Variants in CHD2 observed in about 807,000 individuals in gnomAD.
CHD2 encodes the protein ATP-dependent chromatin remodeler CHD2.
In CHD2, 28 loss-of-function variants were observed where a neutral mutation model predicts 243.9. The observed-to-expected ratio is 0.11, with a 90% CI of 0.09 to 0.16. CHD2 has a LOEUF of 0.16. CHD2 is among the 10% of genes least tolerant of loss of function. The pLI, the probability that CHD2 is intolerant of heterozygous loss-of-function variation, is 1.00. For missense variants in CHD2, 1,386 were observed against 2,209.8 expected (o/e 0.63, Z 7.47); for synonymous variants, 775 against 779.0 (o/e 0.99, Z 0.09).
intron 16 of CHD2, among the ~76,000 whole-genome samples, chr15:92,958,652 G>C (rs2053646195): frequency 6.6e-6 from 1 of 152,138 alleles, no homozygotes; most frequent in African/African-American, 2.4e-5. Flanking sequence ...TATCAGTACA[G>C]TCCCCAACTT....
intron 14 of CHD2, chr15:92,954,004 A>T (rs1467477529): frequency 1.9e-5 from 3 of 158,568 alleles, no homozygotes; most frequent in Non-Finnish European, 4.2e-5. Flanking sequence ...TAAAAAAGGA[A>T]TAAAAGTAAA....
In CHD2 at chr15:93,000,389, T is replaced by G. The variant is rs965625298; in HGVS notation, c.4009-123T>G. 4 of 1,042,964 alleles carry G rather than the reference T, an allele frequency of 3.8e-6. No individual in the cohort carries two copies. The East Asian group carries it at 7.9e-5, about 21-fold the overall frequency. The allele number at this position is 1,042,964 out of a possible 1,614,324, so 64.6% of individuals were successfully genotyped here. On this transcript the variant is annotated intron_variant, in intron 31 of 38. Coordinates refer to ENST00000394196, the MANE Select transcript of CHD2 (RefSeq NM_001271.4). ...TAAAATGAGTTGCACTCTTTTGATT[T>G]CTTTGGAATTTTCTTGTTTGAATTA...
intron 33 of CHD2, among the ~76,000 whole-genome samples, chr15:93,003,616 G>A (rs1259127347): frequency 6.7e-6 from 1 of 148,674 alleles, no homozygotes; most frequent in Non-Finnish European, 1.5e-5. Flanking sequence ...GGGGGGAGAC[G>A]CTGATATCTT....
intron 2 of CHD2, chr15:92,921,362 A>C (rs1173978027): frequency 9.2e-5 from 14 of 152,260 alleles, no homozygotes; most frequent in Admixed American, 9.2e-4. Context: ...TTTATAGGGC[A>C]TGCTGAAATT....
chr15:92,903,260 G>A (rs1224528791), intron 2 of CHD2, among the ~76,000 whole-genome samples: 1 of 152,190 alleles, frequency 6.6e-6, no homozygotes, highest in East Asian at 1.9e-4. Flanking sequence ...AACTGTCCCT[G>A]TAATTAGTAC....
At chr15:92,969,663 A>G (rs1021119429) in intron 17 of CHD2, among the ~76,000 whole-genome samples, 3 of 152,252 alleles carry the variant, frequency 2.0e-5, no homozygotes, top group African/African-American at 7.2e-5. Flanking sequence ...CATGATGAAC[A>G]GTACCACAGA....
At position 93,020,109 on chromosome 15, in the gene CHD2, C is replaced by T. The variant is rs770874614; in HGVS notation, c.5004C>T (p.His1668=). The part of the protein sequence containing the change: ...GSDRHHQYEQ[H]WYKDHHYGDR... The stretch of plus-strand genomic sequence containing the variant: ...ACAGGCACCATCAGTATGAGCAGCA[C>T]TGGTACAAGGACCACCATTATGGGG... The change falls in exon 38 of 39, where the codon CAC becomes CAT. Residue 1668 remains histidine, a synonymous_variant. Coordinates refer to ENST00000394196, the MANE Select transcript of CHD2 (RefSeq NM_001271.4). 4.3e-6 allele frequency: 7 copies of T among 1,614,178 alleles called. No individual in the cohort carries two copies. Among genetic ancestry groups the T allele is most frequent in the Non-Finnish European group, 5.9e-6 (7 of 1,180,024 alleles).
chr15:92,915,978 A>G (rs1018688291), intron 2 of CHD2, among the ~76,000 whole-genome samples: 1 of 151,596 alleles, frequency 6.6e-6, no homozygotes, highest in East Asian at 1.9e-4. Flanking sequence ...TTGTTTTGCT[A>G]AGCCAGACTG....
Position 93,027,900 on chromosome 15 carries a change from T to C in CHD2, c.*3195T>C, listed in dbSNP as rs1046829254. On this transcript the variant is annotated 3_prime_UTR_variant, in exon 39 of 39. Coordinates refer to ENST00000394196, the MANE Select transcript of CHD2 (RefSeq NM_001271.4). ...TCCTAGTGATTTCTGATGTAAATAA[T>C]GTTGTTTATATAGTATGTATTAAAT... 1.3e-5 allele frequency: 2 copies of C among 152,618 alleles called. No individual in the cohort carries two copies. The highest frequency in any genetic ancestry group is 4.8e-5 in the African/African-American group (2 of 41,460). The allele number at this position is 152,618 out of a possible 1,614,324, so 9.5% of individuals were successfully genotyped here.
At chr15:92,984,100 G>T (rs1309847798) in intron 24 of CHD2, among the ~76,000 whole-genome samples, 1 of 152,088 alleles carries the variant, frequency 6.6e-6, no homozygotes, top group African/African-American at 2.4e-5. Flanking sequence ...CTTTGTAGCT[G>T]TTTCTCTGCT....
rs1379093102 is a variant in CHD2, at chr15:93,013,198, C to A, written c.4692+754C>A. Among the ~76,000 whole-genome samples the A allele has an allele frequency of 2.0e-5, 3 of 152,180 alleles. No homozygotes were observed. The East Asian group carries it at 5.8e-4, about 29-fold the overall frequency. On this transcript the variant is annotated intron_variant, in intron 36 of 38. Coordinates refer to ENST00000394196, the MANE Select transcript of CHD2 (RefSeq NM_001271.4). ...CTGTGTTGGCCTGTGAAGCAGCACC[C>A]TCAAGTAGTTGATGATTTAATTTTA...
intron 34 of CHD2, 96 bp from the exon 35 acceptor site, chr15:93,009,049 G>A: frequency 5.3e-6 from 7 of 1,325,584 alleles, no homozygotes; most frequent in Non-Finnish European, 5.2e-6. Flanking sequence ...ATATGGCATA[G>A]GGGTGGGCTG....
chr15:93,003,093 C>T (rs1049708487), intron 33 of CHD2, among the ~76,000 whole-genome samples: 2 of 152,048 alleles, frequency 1.3e-5, no homozygotes, highest in African/African-American at 2.4e-5. Context: ...GCCTTGGCAA[C>T]GTAGGGAGAC....
In CHD2 at chr15:92,901,278, C is replaced by G; in HGVS notation, c.41C>G (p.Ser14Trp). Residue 14 changes from serine to tryptophan, a missense_variant, in exon 2 of 39, where the codon TCG (serine) becomes TGG (tryptophan). Physicochemically the swap from Ser to Trp is radical, Grantham distance 177 (BLOSUM62 -3). Coordinates refer to ENST00000394196, the MANE Select transcript of CHD2 (RefSeq NM_001271.4). ...GACAAAAGCCAAGAGGAGGACAGTT[C>G]GCTACACAGCAATGCATCGAGGTAT... ...NKDKSQEEDS[S>W]LHSNASSHSA... 3 of 1,607,454 alleles carry G rather than the reference C, an allele frequency of 1.9e-6. No homozygotes were observed. The highest frequency in any genetic ancestry group is 2.6e-6 in the Non-Finnish European group (3 of 1,174,580).
chr15:92,924,625 A>T, intron 3 of CHD2, 73 bp downstream of exon 3: 2 of 1,302,788 alleles, frequency 1.5e-6, no homozygotes, highest in South Asian at 2.4e-5. Flanking sequence ...TTGTTCATGA[A>T]AACTCATTAG....
In CHD2 at chr15:92,900,731, A is replaced by G. The variant is rs2052517179; in HGVS notation, c.-165A>G. On this transcript the variant is annotated 5_prime_UTR_variant, in exon 1 of 39. Transcript: ENST00000394196. ...TATTTTATTTATTTTTCGTTTTTTA[A>G]CGGAGGATTTTGCCTTTATTTTTAA... 2.5e-6 allele frequency: 1 copy of G among 397,066 alleles called. No homozygotes were observed. The highest frequency in any genetic ancestry group is 4.4e-5 in the Admixed American group (1 of 22,654). 24.6% of individuals were successfully genotyped at this position (397,066 alleles called of 1,614,324 possible).
intron 2 of CHD2, among the ~76,000 whole-genome samples, chr15:92,914,451 A>G (rs1052986118): frequency 8.5e-5 from 13 of 152,224 alleles, no homozygotes; most frequent in African/African-American, 2.7e-4. Flanking sequence ...CCTGGGTGCT[A>G]ATAGTTTGGT....
At chr15:92,974,375 C>T (rs1278271658) in intron 19 of CHD2, among the ~76,000 whole-genome samples, 1 of 152,158 alleles carries the variant, frequency 6.6e-6, no homozygotes, top group Admixed American at 6.5e-5. Context: ...TCAATTTTAA[C>T]ATTTTCAATG....
chr15:92,971,431 T>C (rs1310031840), intron 17 of CHD2, among the ~76,000 whole-genome samples: 1 of 152,106 alleles, frequency 6.6e-6, no homozygotes, highest in Non-Finnish European at 1.5e-5. Flanking sequence ...TGTGTAAATA[T>C]GTAAAATGTA....
Sources: gnomAD v4.1 joint callset for allele counts (sites outside exome capture counted in the v4.1 genomes callset) on GRCh38, gnomAD v4.1.1 for gene constraint, MANE v1.5 for transcripts, NCBI Gene and HGNC (gene_info 2026-07-23, HGNC 2026-07-21) for gene names.